Variants in CFAP20 observed in about 807,000 individuals in gnomAD.
CFAP20 encodes cilia and flagella associated protein 20.
A neutral mutation model predicts 25.5 loss-of-function variants in CFAP20; 14 were observed. That is an observed-to-expected ratio of 0.55 (90% CI 0.36 to 0.86). The LOEUF (loss-of-function observed/expected upper bound fraction) is 0.86, where lower values mean the gene tolerates loss of function less well. Among genes scored for constraint, CFAP20 ranks in the 40% least tolerant of loss-of-function variants. CFAP20 has a pLI of 0.01. For missense variants in CFAP20, 181 were observed against 248.0 expected (o/e 0.73, Z 1.81); for synonymous variants, 75 against 91.1 (o/e 0.82, Z 1.01).
chr16:58,128,955 C>T (rs924709112), intron 1 of CFAP20, 77 bp downstream of exon 1: 630 of 1,486,588 alleles, frequency 4.2e-4, no homozygotes, highest in Non-Finnish European at 5.5e-4. Context: ...TCGACACAAC[C>T]ATTCCCCGTC....
chr16:58,116,954 A>G lies in CFAP20; in HGVS notation c.85-3T>C. 6.2e-7 allele frequency: 1 copy of G among 1,613,636 alleles called. No homozygotes were observed. Among genetic ancestry groups the G allele is most frequent in the Non-Finnish European group, 8.5e-7 (1 of 1,179,518 alleles). On this transcript the variant is annotated splice_polypyrimidine_tract_variant and splice_region_variant and intron_variant, in intron 1 of 5. Coordinates refer to ENST00000262498, the MANE Select transcript of CFAP20 (RefSeq NM_013242.3). ...CTTTTGATGTGGCCATTCCGTACCT[A>G]CAAGAAAGAAAATTCGATTAGTACT...
intron 1 of CFAP20, among the ~76,000 whole-genome samples, chr16:58,128,514 T>G (rs1332348992): frequency 6.6e-6 from 1 of 152,202 alleles, no homozygotes; most frequent in Non-Finnish European, 1.5e-5. Context: ...TTCTGTCTGC[T>G]CCTCTGTAAG....
At chr16:58,124,367 TATAAA>T (rs1474484254) in intron 1 of CFAP20, among the ~76,000 whole-genome samples, 1 of 152,226 alleles carries the variant, frequency 6.6e-6, no homozygotes, top group Non-Finnish European at 1.5e-5. Flanking sequence ...TGTCATTACT[TATAAA>T]GTACTAACTA....
intron 1 of CFAP20, among the ~76,000 whole-genome samples, chr16:58,118,358 C>T (rs1049586119): frequency 6.6e-6 from 1 of 151,232 alleles, no homozygotes; most frequent in Non-Finnish European, 1.5e-5. Context: ...TGTAGTGTGC[C>T]TATAGTCCCA....
At chr16:58,121,749 C>A (rs566936699) in intron 1 of CFAP20, among the ~76,000 whole-genome samples, 16 of 152,108 alleles carry the variant, frequency 1.1e-4, no homozygotes, top group Admixed American at 3.9e-4. Context: ...TAAAGAACAC[C>A]GATTTCTCTC....
intron 1 of CFAP20, 50 bp from the exon 2 acceptor site, chr16:58,117,001 T>C (rs762314571): frequency 8.9e-6 from 14 of 1,564,330 alleles, no homozygotes; most frequent in Non-Finnish European, 1.2e-5. Flanking sequence ...CAAGGCTGAA[T>C]AGGACTATTT....
intron 1 of CFAP20, among the ~76,000 whole-genome samples, chr16:58,127,288 C>T (rs938096517): frequency 5.9e-5 from 9 of 152,222 alleles, no homozygotes; most frequent in African/African-American, 1.9e-4. Flanking sequence ...ATACAAGTTT[C>T]GTAACAGAAA....
At position 58,115,383 on chromosome 16, in the gene CFAP20, G is replaced by A. The variant is rs1292851974; in HGVS notation, c.351C>T (p.Phe117=). The change falls in exon 4 of 6, where the codon TTC becomes TTT. Residue 117 remains phenylalanine (F), a synonymous_variant. Transcript: ENST00000262498. Reference sequence around the variant, plus strand: ...CCAGCCGCATGGGCATGGTGCAGATGAAGGGTTTGACCCGGGTGGTGCTCT... The same window carrying A: ...CCAGCCGCATGGGCATGGTGCAGATAAAGGGTTTGACCCGGGTGGTGCTCT... ...NYQSTTRVKP[F]ICTMPMRLDD... is the part of the protein sequence containing the mutation. 2 of 1,614,142 alleles carry A rather than the reference G, an allele frequency of 1.2e-6. No homozygotes were observed. Among genetic ancestry groups the A allele is most frequent in the South Asian group, 1.1e-5 (1 of 91,094 alleles).
intron 5 of CFAP20, 41 bp from the exon 6 acceptor site, chr16:58,114,071 C>T (rs910553745): frequency 6.2e-7 from 1 of 1,608,310 alleles, no homozygotes; most frequent in African/African-American, 1.3e-5. Flanking sequence ...GTTTAAGTTA[C>T]TAGAAAATAG....
chr16:58,115,507 C>A (rs745532855), intron 3 of CFAP20, 50 bp from the exon 4 acceptor site: 1 of 1,590,540 alleles, frequency 6.3e-7, no homozygotes, highest in Admixed American at 1.8e-5. Context: ...TTGGAAGAAG[C>A]ACACAACCTT....
intron 1 of CFAP20, among the ~76,000 whole-genome samples, chr16:58,119,845 T>G (rs1218912186): frequency 7.0e-6 from 1 of 142,460 alleles, no homozygotes; most frequent in East Asian, 2.2e-4. Flanking sequence ...TCACTCGCCA[T>G]CTCATGTTCC....
chr16:58,119,201 T>C (rs1041497156), intron 1 of CFAP20: 1 of 152,224 alleles, frequency 6.6e-6, no homozygotes, highest in African/African-American at 2.4e-5. Flanking sequence ...GTTCTAAAGG[T>C]GACATCTGAT....
chr16:58,119,060 G>T (rs1422398516), intron 1 of CFAP20: 1 of 152,086 alleles, frequency 6.6e-6, no homozygotes, highest in African/African-American at 2.4e-5. Flanking sequence ...CTTGCATATG[G>T]GGATAAATCA....
intron 3 of CFAP20, 65 bp from the exon 4 acceptor site, chr16:58,115,522 A>G: frequency 1.3e-6 from 2 of 1,556,446 alleles, no homozygotes; most frequent in Non-Finnish European, 8.8e-7. Context: ...AACCTTGTCC[A>G]GACAAGGACC....
intron 1 of CFAP20, among the ~76,000 whole-genome samples, chr16:58,119,940 G>A (rs112969921): frequency 2.2e-5 from 2 of 93,012 alleles, no homozygotes; most frequent in East Asian, 3.5e-4. Context: ...CCCAACCTAA[G>A]TGCCCACCTC....
chr16:58,121,953 A>AC (rs1430829090), intron 1 of CFAP20, among the ~76,000 whole-genome samples: 4 of 152,224 alleles, frequency 2.6e-5, no homozygotes, highest in Non-Finnish European at 5.9e-5. Flanking sequence ...AGGCAGCTGA[A>AC]CCCTCAGCCA....
intron 1 of CFAP20, among the ~76,000 whole-genome samples, chr16:58,128,192 C>A (rs1960646570): frequency 6.6e-6 from 1 of 152,022 alleles, no homozygotes; most frequent in African/African-American, 2.4e-5. Flanking sequence ...TCATAGACAG[C>A]TAGATCTTTC....
chr16:58,114,840 T>G lies in CFAP20; in HGVS notation c.546A>C (p.Lys182Asn). Residue 182 changes from lysine (K) to asparagine (N), a missense_variant, in exon 5 of 6, where the codon AAA becomes AAC. By Grantham distance (94) the Lys-to-Asn change is moderately conservative. Transcript: ENST00000262498. Reference sequence around the variant, plus strand: ...CCTTGTTCTGAACTGGGAGATACAGTTTGAACTCTGCCGGCAGCTCATCTT... The same window carrying G: ...CCTTGTTCTGAACTGGGAGATACAGGTTGAACTCTGCCGGCAGCTCATCTT... ...YSEDELPAEF[K>N]LYLPVQNKAK... is the part of the protein sequence containing the mutation. The G allele has an allele frequency of 6.2e-7, 1 of 1,614,022 alleles. No individual in the cohort carries two copies.
At chr16:58,114,604 G>A (rs1376650884) in intron 5 of CFAP20, among the ~76,000 whole-genome samples, 1 of 152,118 alleles carries the variant, frequency 6.6e-6, no homozygotes, top group Non-Finnish European at 1.5e-5. Context: ...TCTCACCGTG[G>A]AGAGGGGAAA....
Sources: allele counts gnomAD v4.1 joint callset (sites outside exome capture counted in the v4.1 genomes callset), GRCh38; gene constraint gnomAD v4.1.1; transcripts MANE v1.5; gene names NCBI Gene and HGNC (gene_info 2026-07-23, HGNC 2026-07-21).